Variants in GPC6 observed in about 807,000 individuals in gnomAD.
GPC6 encodes the protein glypican 6, also known as glypican-6.
In GPC6, 14 loss-of-function variants were observed where a neutral mutation model predicts 55.2. That is an observed-to-expected ratio of 0.25 (90% confidence interval 0.17 to 0.40). The LOEUF (loss-of-function observed/expected upper bound fraction) is 0.40. Ranked by LOEUF, GPC6 falls within the 10% of genes least tolerant of loss-of-function variation. GPC6 has a pLI of 1.00. For missense variants in GPC6, 641 were observed against 708.5 expected (o/e 0.90, Z 1.08); for synonymous variants, 278 against 259.6 (o/e 1.07, Z -0.68).
chr13:94,379,037 C>T (rs1379363170), intron 6 of GPC6, among the ~76,000 whole-genome samples: 1 of 151,886 alleles, frequency 6.6e-6, no homozygotes, highest in African/African-American at 2.4e-5. Context: ...GTTGTGTGCA[C>T]TTAAGTTTCC....
chr13:93,896,985 C>CTT (rs3043489), intron 3 of GPC6, among the ~76,000 whole-genome samples: 19 of 138,928 alleles, frequency 1.4e-4, no homozygotes, highest in East Asian at 4.2e-4. Flanking sequence ...CCTCATTATT[C>CTT]TTTTTTTTTT....
At chr13:93,566,725 C>T (rs1008377665) in intron 2 of GPC6, among the ~76,000 whole-genome samples, 5 of 151,498 alleles carry the variant, frequency 3.3e-5, no homozygotes, top group Admixed American at 1.3e-4. Flanking sequence ...TGCCCCCTCC[C>T]CTTGACAGGC....
chr13:93,938,515 G>A (rs968117772), intron 3 of GPC6, among the ~76,000 whole-genome samples: 4 of 152,084 alleles, frequency 2.6e-5, no homozygotes, highest in Non-Finnish European at 1.5e-5. Flanking sequence ...TGGGATAGCT[G>A]AAAAATGGTA....
At chr13:93,612,133 G>A (rs1373826838) in intron 2 of GPC6, among the ~76,000 whole-genome samples, 1 of 152,144 alleles carries the variant, frequency 6.6e-6, no homozygotes, top group Admixed American at 6.5e-5. Context: ...AAAAATAAAT[G>A]ATGATGGTTT....
rs571468379 is a variant in GPC6 at position 94,263,858 on chromosome 13, G to C, written c.878-22491G>C. ...AAATGCACCAGGCAATCTAGAGTAA[G>C]CTTTTATTGTAATAAAAGACACAGG... On this transcript the variant is annotated intron_variant, in intron 4 of 8. Transcript: ENST00000377047. 3.3e-5 allele frequency among the ~76,000 whole-genome samples: 5 copies of C among 152,326 alleles called. 1 individual carries two copies. The highest frequency in any genetic ancestry group is 1.2e-4 in the African/African-American group (5 of 41,580).
At chr13:94,226,882 A>G (rs1594076744) in intron 4 of GPC6, among the ~76,000 whole-genome samples, 1 of 152,160 alleles carries the variant, frequency 6.6e-6, no homozygotes, top group Non-Finnish European at 1.5e-5. Flanking sequence ...TTCTGTGAAA[A>G]CAATGGCTTG....
chr13:93,326,661 T>C (rs1879668535), intron 1 of GPC6, among the ~76,000 whole-genome samples: 1 of 152,176 alleles, frequency 6.6e-6, no homozygotes, highest in South Asian at 2.1e-4. Flanking sequence ...GAACATATTT[T>C]GTTGACTTTG....
intron 3 of GPC6, among the ~76,000 whole-genome samples, chr13:93,948,103 T>A (rs1373840183): frequency 6.6e-6 from 1 of 152,198 alleles, no homozygotes; most frequent in East Asian, 1.9e-4. Flanking sequence ...ACTCATCAGT[T>A]ACATAATTTT....
chr13:93,983,174 A>G (rs1232012825), intron 3 of GPC6, among the ~76,000 whole-genome samples: 2 of 152,230 alleles, frequency 1.3e-5, no homozygotes. Flanking sequence ...CACACAAAAG[A>G]AAAGCTTGTG....
rs199584013 is a variant in GPC6, at chr13:93,814,508, G to GT, written c.320-15640dup. Reference sequence around the variant, plus strand: ...AAAATTAAAATTATTGGCCAATAGAGTTTTTTCACATGAAATAAAATAGTG... The same window carrying GT: ...AAAATTAAAATTATTGGCCAATAGAGTTTTTTTCACATGAAATAAAATAGTG... On this transcript the variant is annotated intron_variant, in intron 2 of 8. Transcript: ENST00000377047. Among the ~76,000 whole-genome samples, 440 of 152,248 alleles carry GT rather than the reference G, an allele frequency of 2.9e-3. 5 individuals are homozygous for GT. Among genetic ancestry groups the GT allele is most frequent in the African/African-American group, 1.0e-2 (414 of 41,558 alleles).
chr13:93,432,907 G>A (rs1203343861), intron 1 of GPC6, among the ~76,000 whole-genome samples: 3 of 151,360 alleles, frequency 2.0e-5, no homozygotes, highest in Non-Finnish European at 4.4e-5. Context: ...GTGAGAGGGA[G>A]AGAGGGAGAG....
intron 1 of GPC6, among the ~76,000 whole-genome samples, chr13:93,463,603 C>T (rs993561452): frequency 6.6e-6 from 1 of 152,180 alleles, no homozygotes; most frequent in African/African-American, 2.4e-5. Flanking sequence ...TAATTTTTAG[C>T]ATGCCACTGT....
intron 1 of GPC6, among the ~76,000 whole-genome samples, chr13:93,366,213 T>C (rs1466035991): frequency 6.6e-6 from 1 of 152,120 alleles, no homozygotes; most frequent in African/African-American, 2.4e-5. Context: ...TCTGTAAATT[T>C]ACATGGAAAA....
chr13:94,214,750 G>T (rs1423999094), intron 4 of GPC6, among the ~76,000 whole-genome samples: 2 of 152,106 alleles, frequency 1.3e-5, no homozygotes, highest in African/African-American at 4.8e-5. Context: ...TAAGAACAAA[G>T]GGCATCAGTG....
chr13:93,827,226 G>T (rs1025888804), intron 2 of GPC6, among the ~76,000 whole-genome samples: 3 of 152,012 alleles, frequency 2.0e-5, no homozygotes, highest in Non-Finnish European at 2.9e-5. Flanking sequence ...TTCTTATATT[G>T]TCCTTGAATT....
At chr13:93,291,672 C>T (rs1287692805) in intron 1 of GPC6, among the ~76,000 whole-genome samples, 5 of 152,070 alleles carry the variant, frequency 3.3e-5, no homozygotes, top group Non-Finnish European at 1.5e-5. Flanking sequence ...CCTGTCATTT[C>T]ATTTTTGAAA....
intron 3 of GPC6, among the ~76,000 whole-genome samples, chr13:93,868,222 G>C (rs1024400449): frequency 6.6e-6 from 1 of 151,656 alleles, no homozygotes; most frequent in African/African-American, 2.4e-5. Flanking sequence ...ACTAGCTTTT[G>C]TTCTCTGCCA....
chr13:93,476,751 C>T (rs1371519810), intron 1 of GPC6, among the ~76,000 whole-genome samples: 4 of 151,776 alleles, frequency 2.6e-5, no homozygotes, highest in Non-Finnish European at 5.9e-5. Context: ...TATTAAATGA[C>T]TTTTTTTTGT....
intron 3 of GPC6, among the ~76,000 whole-genome samples, chr13:93,878,240 A>G (rs1174503052): frequency 2.0e-5 from 3 of 152,046 alleles, no homozygotes; most frequent in South Asian, 2.1e-4. Context: ...TAGTACTAAA[A>G]GGTGGGGCAT....
Sources: gnomAD v4.1 joint callset for allele counts (sites outside exome capture counted in the v4.1 genomes callset) on GRCh38, gnomAD v4.1.1 for gene constraint, MANE v1.5 for transcripts, NCBI Gene and HGNC (gene_info 2026-07-23, HGNC 2026-07-21) for gene names.